Variants in CDH3 observed in about 807,000 individuals in gnomAD.
CDH3 encodes cadherin-3.
Under a neutral mutation model 82.0 loss-of-function variants are expected in CDH3, and 54 were observed. The ratio of observed to expected loss-of-function variants is 0.66; its 90% CI spans 0.53 to 0.83. The LOEUF (loss-of-function observed/expected upper bound fraction) is 0.83. CDH3 is among the 40% of genes least tolerant of loss of function. The probability of loss-of-function intolerance (pLI) is 0.00; values close to 1 mark genes in which losing one functional copy is unlikely to be tolerated. For synonymous variants in CDH3, 446 were observed against 437.9 expected (o/e 1.02, Z -0.23); for missense variants, 1,054 against 1,084.6 (o/e 0.97, Z 0.40).
chr16:68,671,521 CT>C (rs34475405), intron 2 of CDH3, among the ~76,000 whole-genome samples: 1,253 of 121,982 alleles, frequency 0.01, 16 homozygotes, highest in African/African-American at 0.034. Context: ...TTCATTTTAC[CT>C]TTTTTTTTTT....
intron 1 of CDH3, among the ~76,000 whole-genome samples, chr16:68,709,417 A>T (rs1962001108): frequency 6.6e-6 from 1 of 151,998 alleles, no homozygotes; most frequent in South Asian, 2.1e-4. Context: ...AAGAGAGGCA[A>T]GCTCAAAAGG....
At chr16:68,709,490 C>T (rs1054808281) in intron 1 of CDH3, among the ~76,000 whole-genome samples, 5 of 151,854 alleles carry the variant, frequency 3.3e-5, no homozygotes, top group Admixed American at 6.6e-5. Flanking sequence ...GCAGGGTCTC[C>T]CTCCGTCACC....
intron 2 of CDH3, among the ~76,000 whole-genome samples, chr16:68,723,327 G>A (rs1303592753): frequency 6.6e-6 from 1 of 151,922 alleles, no homozygotes; most frequent in Non-Finnish European, 1.5e-5. Context: ...TAAATCTTCT[G>A]TACTTTGTCT....
chr16:68,733,712 A>G, the CDH3 span, among the ~76,000 whole-genome samples: 2 of 152,234 alleles, frequency 1.3e-5, no homozygotes, highest in Non-Finnish European at 2.9e-5. Flanking sequence ...ATTGCACTCC[A>G]GCCGGGGCAA....
chr16:68,727,456 C>A (rs1962230997), exon 3 of CDH3, among the ~76,000 whole-genome samples: 1 of 152,152 alleles, frequency 6.6e-6, no homozygotes, highest in Non-Finnish European at 1.5e-5. Context: ...TGTGTAACAT[C>A]AGGCCAATCC....
chr16:68,686,755 C>A, intron 11 of CDH3: 1 of 657,360 alleles, frequency 1.5e-6, no homozygotes, highest in South Asian at 1.6e-5. Context: ...AACCTTTCAT[C>A]ATGTAAATAA....
At chr16:68,653,387 G>A (rs535550070) in intron 2 of CDH3, among the ~76,000 whole-genome samples, 73 of 151,948 alleles carry the variant, frequency 4.8e-4, no homozygotes, top group African/African-American at 1.7e-3. Flanking sequence ...ACAGGCATGC[G>A]CCACCAAGTC....
chr16:68,693,424 G>C (rs913094494), intron 13 of CDH3, among the ~76,000 whole-genome samples: 2 of 152,140 alleles, frequency 1.3e-5, no homozygotes, highest in African/African-American at 4.8e-5. Context: ...TTTCAAGGTA[G>C]AGTCCCTTCA....
intron 12 of CDH3, among the ~76,000 whole-genome samples, chr16:68,691,395 A>C (rs1435324947): frequency 1.3e-5 from 2 of 152,236 alleles, no homozygotes; most frequent in Non-Finnish European, 2.9e-5. Flanking sequence ...AAGCAAAAAA[A>C]CAGTGTAGCA....
At chr16:68,658,388 A>G (rs1298982443) in intron 2 of CDH3, among the ~76,000 whole-genome samples, 1 of 152,084 alleles carries the variant, frequency 6.6e-6, no homozygotes, top group African/African-American at 2.4e-5. Flanking sequence ...GCCTGAGGCG[A>G]GTTACTGAGT....
chr16:68,664,148 T>C (rs1960675081), intron 2 of CDH3, among the ~76,000 whole-genome samples: 1 of 152,144 alleles, frequency 6.6e-6, no homozygotes, highest in African/African-American at 2.4e-5. Context: ...GCCCGGATTC[T>C]GTTCTCAAGC....
chr16:68,709,581 C>T (rs1962003523), intron 1 of CDH3, among the ~76,000 whole-genome samples: 2 of 152,194 alleles, frequency 1.3e-5, no homozygotes, highest in South Asian at 4.1e-4. Flanking sequence ...ACCTAAGCCT[C>T]CCAAGGTGCT....
intron 1 of CDH3, among the ~76,000 whole-genome samples, chr16:68,718,953 A>T (rs1002284821): frequency 1.3e-5 from 2 of 152,036 alleles, no homozygotes; most frequent in African/African-American, 2.4e-5. Context: ...AAGAAAAAAA[A>T]CGGGGCCGGG....
At chr16:68,680,292 C>T (rs998362641) in intron 7 of CDH3, among the ~76,000 whole-genome samples, 2 of 152,214 alleles carry the variant, frequency 1.3e-5, no homozygotes, top group South Asian at 2.1e-4. Context: ...CCAAATTGGT[C>T]CCTTATGTGC....
At chr16:68,645,575 G>A (rs1304817100) in intron 1 of CDH3, 61 bp from the exon 2 acceptor site, 31 of 1,461,410 alleles carry the variant, frequency 2.1e-5, no homozygotes, top group Non-Finnish European at 2.9e-5. Flanking sequence ...CTGCGGTGTG[G>A]GGAGTGCAGG....
chr16:68,671,511 T>C (rs906286080), intron 2 of CDH3, among the ~76,000 whole-genome samples: 1 of 147,126 alleles, frequency 6.8e-6, no homozygotes, highest in Non-Finnish European at 1.5e-5. Flanking sequence ...GCCTAATGAG[T>C]TCATTTTACC....
intron 6 of CDH3, among the ~76,000 whole-genome samples, chr16:68,679,308 T>G (rs1450812754): frequency 2.6e-5 from 4 of 152,222 alleles, no homozygotes; most frequent in Admixed American, 2.6e-4. Context: ...AAATACCATG[T>G]GCAGACTGTT....
At chr16:68,694,776 G>A (rs1961667534) in intron 13 of CDH3, among the ~76,000 whole-genome samples, 1 of 152,190 alleles carries the variant, frequency 6.6e-6, no homozygotes, top group African/African-American at 2.4e-5. Context: ...AACATCTGCT[G>A]GGAGGTTCCC....
intron 2 of CDH3, among the ~76,000 whole-genome samples, chr16:68,674,626 A>G (rs557232992): frequency 6.6e-6 from 1 of 152,156 alleles, no homozygotes; most frequent in Admixed American, 6.5e-5. Context: ...TCCCAGCCAC[A>G]CAGGAGGCTG....
Sources: allele counts gnomAD v4.1 joint callset (sites outside exome capture counted in the v4.1 genomes callset), GRCh38; gene constraint gnomAD v4.1.1; transcripts MANE v1.5; gene names NCBI Gene and HGNC (gene_info 2026-07-23, HGNC 2026-07-21).